The following PRLR variants were observed in gnomAD, a reference collection of about 807,000 sequenced individuals.
The protein encoded by PRLR is hPRL receptor.
In PRLR, 13 loss-of-function variants were observed where a neutral mutation model predicts 40.2. The ratio of observed to expected loss-of-function variants is 0.32; its 90% confidence interval spans 0.21 to 0.51. The LOEUF (loss-of-function observed/expected upper bound fraction) is 0.51, where lower values mean the gene tolerates loss of function less well. Ranked by LOEUF, PRLR falls within the 20% of genes least tolerant of loss-of-function variation. The probability of loss-of-function intolerance (pLI) is 0.97; values close to 1 mark genes in which losing one functional copy is unlikely to be tolerated. For synonymous variants in PRLR, 269 were observed against 278.7 expected, an observed-to-expected ratio of 0.97 and a Z score of 0.35; for missense variants, 656 against 747.3, an observed-to-expected ratio of 0.88 and a Z score of 1.42.
chr5:35,221,760 G>T (rs955416478), intron 1 of PRLR, among the ~76,000 whole-genome samples: 1 of 152,160 alleles, frequency 6.6e-6, no homozygotes, highest in Non-Finnish European at 1.5e-5. Flanking sequence ...TGTTTAAGAG[G>T]CTTGCTTTTT....
intron 1 of PRLR, among the ~76,000 whole-genome samples, chr5:35,132,716 T>C (rs1314359190): frequency 6.6e-6 from 1 of 152,214 alleles, no homozygotes; most frequent in East Asian, 1.9e-4. Context: ...CATGTCCTAT[T>C]GTTAAATATC....
intron 1 of PRLR, among the ~76,000 whole-genome samples, chr5:35,219,122 T>G (rs897221677): frequency 1.3e-5 from 2 of 152,166 alleles, no homozygotes; most frequent in African/African-American, 4.8e-5. Context: ...GCCTCTAGAT[T>G]ATGCCATCTC....
At chr5:35,130,182 A>G (rs1296440733) in intron 1 of PRLR, 1 of 152,194 alleles carries the variant, frequency 6.6e-6, no homozygotes, top group East Asian at 1.9e-4. Context: ...CAAGGCTTTT[A>G]TGACCCCTCC....
At chr5:35,171,113 G>A (rs1774984297) in intron 1 of PRLR, among the ~76,000 whole-genome samples, 1 of 151,182 alleles carries the variant, frequency 6.6e-6, no homozygotes, top group Admixed American at 6.6e-5. Context: ...TAGAATTAAG[G>A]AGTAATGAAC....
In PRLR at chr5:35,057,205, G is replaced by A. The variant is rs1196784375; in HGVS notation, c.*7884C>T. ...TTTTCTCAGCCTCCCATGTTATAGG[G>A]ATGAGGTAAAGGAGGGAAATTTTGT... On this transcript the variant is annotated 3_prime_UTR_variant, in exon 10 of 10. Transcript: ENST00000618457. The A allele has an allele frequency of 6.6e-6, 1 of 152,110 alleles. No individual in the cohort carries two copies. The highest frequency in any genetic ancestry group is 2.4e-5 in the African/African-American group (1 of 41,430). The allele number at this position is 152,110 out of a possible 1,614,324, so 9.4% of individuals were successfully genotyped here. A position where few individuals can be genotyped will look rare whatever the true frequency, so the allele number is the denominator to read the frequency against.
intron 1 of PRLR, among the ~76,000 whole-genome samples, chr5:35,154,248 A>C (rs1476789460): frequency 6.6e-6 from 1 of 152,184 alleles, no homozygotes; most frequent in Non-Finnish European, 1.5e-5. Flanking sequence ...TTTTATATTT[A>C]AGGAAGCAAG....
intron 8 of PRLR, chr5:35,049,417 G>A (rs1358708322): frequency 1.4e-6 from 1 of 702,756 alleles, no homozygotes; most frequent in African/African-American, 1.7e-5. Context: ...ACCTGGAGTG[G>A]GGAAGAAAAA....
chr5:35,218,776 C>T (rs534888525), intron 1 of PRLR, among the ~76,000 whole-genome samples: 27 of 152,154 alleles, frequency 1.8e-4, no homozygotes, highest in African/African-American at 6.3e-4. Flanking sequence ...TAATATGACT[C>T]TCTTTTTTTA....
At position 35,059,913 on chromosome 5, in the gene PRLR, A is replaced by C. The variant is rs980063430; in HGVS notation, c.*5176T>G. 2 of 152,258 alleles carry C rather than the reference A, an allele frequency of 1.3e-5. No homozygotes were observed. Among genetic ancestry groups the C allele is most frequent in the African/African-American group, 4.8e-5 (2 of 41,430 alleles). 9.4% of individuals were successfully genotyped at this position (152,258 alleles called of 1,614,324 possible). ...CAGTGACACAATCACGGTTCACTGC[A>C]GCCTCGACCTCCTGGGCTCAAGCAA... On this transcript the variant is annotated 3_prime_UTR_variant, in exon 10 of 10. Transcript: ENST00000618457.
downstream of PRLR, among the ~76,000 whole-genome samples, chr5:35,051,367 C>A (rs1768490804): frequency 6.6e-6 from 1 of 152,238 alleles, no homozygotes; most frequent in African/African-American, 2.4e-5. Flanking sequence ...AAATACAACT[C>A]AATCTCTTTT....
intron 1 of PRLR, among the ~76,000 whole-genome samples, chr5:35,214,607 A>G (rs577630828): frequency 1.3e-5 from 2 of 152,320 alleles, no homozygotes; most frequent in South Asian, 2.1e-4. Flanking sequence ...GGATCACCCA[A>G]TTTCTCAGTG....
Position 35,138,159 on chromosome 5 carries a change from A to G in PRLR, c.-105-20037T>C, listed in dbSNP as rs186450017. Among the ~76,000 whole-genome samples, 359 of 152,350 alleles carry G rather than the reference A, an allele frequency of 2.4e-3. 2 individuals are homozygous for G. Among genetic ancestry groups the G allele is most frequent in the Admixed American group, 5.0e-3 (76 of 15,302 alleles). On this transcript the variant is annotated intron_variant, in intron 1 of 9. Transcript: ENST00000618457. Reference sequence around the variant, plus strand: ...TCGACAAAAATTAGAAGGGCTGCATAGCTAAGAGCTAGAGATGAGCTATTT... The same window carrying G: ...TCGACAAAAATTAGAAGGGCTGCATGGCTAAGAGCTAGAGATGAGCTATTT...
At chr5:35,202,272 C>T (rs112848021) in intron 1 of PRLR, among the ~76,000 whole-genome samples, 19 of 152,284 alleles carry the variant, frequency 1.2e-4, no homozygotes, top group African/African-American at 4.3e-4. Context: ...AAAACATGAC[C>T]TTTGAGTCAA....
At chr5:35,070,038 G>T in intron 7 of PRLR, 86 bp downstream of exon 7, 1 of 1,439,968 alleles carries the variant, frequency 6.9e-7, no homozygotes, top group Non-Finnish European at 9.3e-7. Context: ...GGCTCAAAAT[G>T]GTTTCTCTAT....
At chr5:35,219,159 G>A (rs868752391) in intron 1 of PRLR, among the ~76,000 whole-genome samples, 10 of 152,270 alleles carry the variant, frequency 6.6e-5, no homozygotes, top group Middle Eastern at 3.4e-3. Flanking sequence ...CCGGAAGCCC[G>A]GCCCAGTTTT....
rs550856171 is a variant in PRLR at position 35,085,942 on chromosome 5, G to A, written c.203+266C>T. ...AAGTCTCAGGGTGAGGAGACCTAGGGTGGATGCTCAGAAATGCCAAGCATC... is the reference window on the plus strand; with the variant it reads ...AAGTCTCAGGGTGAGGAGACCTAGGATGGATGCTCAGAAATGCCAAGCATC... On this transcript the variant is annotated intron_variant, in intron 4 of 9. Coordinates refer to ENST00000618457, the MANE Select transcript of PRLR (RefSeq NM_000949.7). 2.0e-5 allele frequency among the ~76,000 whole-genome samples: 3 copies of A among 152,228 alleles called. No individual in the cohort carries two copies. The East Asian group carries it at 5.8e-4, about 29-fold the overall frequency.
intron 1 of PRLR, among the ~76,000 whole-genome samples, chr5:35,161,494 T>G (rs1774672805): frequency 6.6e-6 from 1 of 152,220 alleles, no homozygotes; most frequent in African/African-American, 2.4e-5. Flanking sequence ...TCCTGATCCC[T>G]AAAAATCACA....
chr5:35,086,397 C>T (rs1339388385), intron 3 of PRLR, 57 bp from the exon 4 acceptor site: 11 of 1,592,316 alleles, frequency 6.9e-6, no homozygotes, highest in Non-Finnish European at 6.0e-6. Flanking sequence ...CCATTTGACC[C>T]TTCTGCTGGT....
chr5:35,221,836 A>T (rs1462150022), intron 1 of PRLR, among the ~76,000 whole-genome samples: 4 of 152,082 alleles, frequency 2.6e-5, no homozygotes, highest in Non-Finnish European at 5.9e-5. Flanking sequence ...AGAAAAGAAA[A>T]CCCAACCATT....
Sources: allele counts gnomAD v4.1 joint callset (sites outside exome capture counted in the v4.1 genomes callset), GRCh38; gene constraint gnomAD v4.1.1; transcripts MANE v1.5; gene names NCBI Gene and HGNC (gene_info 2026-07-23, HGNC 2026-07-21).